FAM168A: variants seen among roughly 807,000 people sequenced by gnomAD.
The protein encoded by FAM168A is family with sequence similarity 168 member A.
FAM168A carries 3 observed loss-of-function variants against 28.5 expected under a neutral mutation model. The observed-to-expected ratio is 0.11, with a 90% CI of 0.05 to 0.27. The LOEUF (loss-of-function observed/expected upper bound fraction) is 0.27, where lower values mean the gene tolerates loss of function less well. Ranked by LOEUF, FAM168A falls within the 10% of genes least tolerant of loss-of-function variation. The pLI is 1.00. For missense variants in FAM168A, 222 were observed against 311.5 expected (o/e 0.71, Z 2.16); for synonymous variants, 122 against 124.2 (o/e 0.98, Z 0.12).
At chr11:73,521,572 T>G (rs1663725679) in intron 1 of FAM168A, among the ~76,000 whole-genome samples, 1 of 152,200 alleles carries the variant, frequency 6.6e-6, no homozygotes, top group East Asian at 1.9e-4. Context: ...TGCTCCTAAT[T>G]TCCTCTTTAG....
intron 1 of FAM168A, among the ~76,000 whole-genome samples, chr11:73,584,571 T>G (rs1238543738): frequency 6.6e-6 from 1 of 150,912 alleles, no homozygotes; most frequent in Admixed American, 6.6e-5. Context: ...CCTCCCGGGT[T>G]CACGCCATTC....
At chr11:73,433,281 T>C (rs1867029188) in intron 2 of FAM168A, among the ~76,000 whole-genome samples, 1 of 151,866 alleles carries the variant, frequency 6.6e-6, no homozygotes, top group African/African-American at 2.4e-5. Context: ...ATTCTGAATA[T>C]TAAACCATTA....
At chr11:73,444,816 T>A (rs1431764436) in intron 2 of FAM168A, among the ~76,000 whole-genome samples, 2 of 152,160 alleles carry the variant, frequency 1.3e-5, no homozygotes, top group Non-Finnish European at 1.5e-5. Context: ...TGAAAAACAA[T>A]GTATGTATGT....
At chr11:73,522,424 C>T (rs1943394048) in intron 1 of FAM168A, among the ~76,000 whole-genome samples, 6 of 152,062 alleles carry the variant, frequency 3.9e-5, no homozygotes, top group Admixed American at 3.9e-4. Context: ...GCAAGCACCA[C>T]CTCCCAGGTT....
At chr11:73,488,624 CCA>C (rs796259781) in intron 1 of FAM168A, among the ~76,000 whole-genome samples, 7 of 152,224 alleles carry the variant, frequency 4.6e-5, no homozygotes, top group African/African-American at 1.7e-4. Context: ...GCACCTGTAC[CCA>C]CAGACTCTTA....
At chr11:73,493,054 T>G (rs993657583) in intron 1 of FAM168A, among the ~76,000 whole-genome samples, 1 of 152,094 alleles carries the variant, frequency 6.6e-6, no homozygotes, top group Non-Finnish European at 1.5e-5. Flanking sequence ...ACTGAAAAAC[T>G]ACCTATTGGG....
chr11:73,513,205 ATTTT>A (rs1046600591), intron 1 of FAM168A, among the ~76,000 whole-genome samples: 1 of 109,376 alleles, frequency 9.1e-6, no homozygotes, highest in Non-Finnish European at 1.8e-5. Flanking sequence ...TTTTTTTTTA[ATTTT>A]TTTTTTTTTT....
chr11:73,548,939 T>C (rs546087057), intron 1 of FAM168A, among the ~76,000 whole-genome samples: 5 of 152,032 alleles, frequency 3.3e-5, no homozygotes, highest in South Asian at 2.1e-4. Context: ...CCTGGCTCCA[T>C]AGACATTTCT....
At chr11:73,515,399 C>T (rs148080831) in intron 1 of FAM168A, among the ~76,000 whole-genome samples, 1,618 of 151,740 alleles carry the variant, frequency 0.011, 33 homozygotes, top group African/African-American at 0.038. Flanking sequence ...ATCCAAGCTA[C>T]TCCGGAGGCT....
At chr11:73,463,583 C>A (rs965670243) in intron 2 of FAM168A, among the ~76,000 whole-genome samples, 14 of 152,044 alleles carry the variant, frequency 9.2e-5, no homozygotes, top group African/African-American at 2.9e-4. Context: ...GAATCATCAG[C>A]CTATAGACAG....
At chr11:73,416,222 C>A (rs1866692589) in intron 4 of FAM168A, among the ~76,000 whole-genome samples, 1 of 152,204 alleles carries the variant, frequency 6.6e-6, no homozygotes. Flanking sequence ...ATTTTAGAAT[C>A]AAATGGGATA....
intron 1 of FAM168A, among the ~76,000 whole-genome samples, chr11:73,469,753 T>C (rs1867787203): frequency 6.6e-6 from 1 of 152,184 alleles, no homozygotes; most frequent in African/African-American, 2.4e-5. Flanking sequence ...AAAGGAGTTA[T>C]ATATATATTT....
intron 4 of FAM168A, among the ~76,000 whole-genome samples, chr11:73,413,637 C>G (rs1386211393): frequency 6.6e-6 from 1 of 152,160 alleles, no homozygotes; most frequent in African/African-American, 2.4e-5. Context: ...GGACAACGTA[C>G]TATAGATCCC....
At position 73,562,363 on chromosome 11, in the gene FAM168A, T is replaced by C. The variant is rs1943969382; in HGVS notation, c.-19+35560A>G. Among the ~76,000 whole-genome samples the C allele has an allele frequency of 2.0e-5, 3 of 152,378 alleles. No homozygotes were observed. The South Asian group carries it at 6.2e-4, about 32-fold the overall frequency. On this transcript the variant is annotated intron_variant, in intron 1 of 7. Transcript: ENST00000356467. ...GATTATATAATATATGCAAATTATC[T>C]AGCAGGTCCTTATAAACAGTATCAT...
At chr11:73,529,268 T>A (rs1309348823) in intron 1 of FAM168A, among the ~76,000 whole-genome samples, 1 of 152,212 alleles carries the variant, frequency 6.6e-6, no homozygotes, top group African/African-American at 2.4e-5. Context: ...GTGTTGCCTG[T>A]TCAAATTTTA....
intron 2 of FAM168A, among the ~76,000 whole-genome samples, chr11:73,436,883 T>A (rs1867095895): frequency 6.6e-6 from 1 of 152,198 alleles, no homozygotes; most frequent in African/African-American, 2.4e-5. Flanking sequence ...GGAGAGTCAA[T>A]TTGGTCAAAG....
At chr11:73,489,047 A>C (rs1272083859) in intron 1 of FAM168A, among the ~76,000 whole-genome samples, 1 of 151,684 alleles carries the variant, frequency 6.6e-6, no homozygotes, top group Non-Finnish European at 1.5e-5. Flanking sequence ...TGCCCGTCTA[A>C]TTTTTGTATT....
At chr11:73,446,064 G>A (rs909641878) in intron 2 of FAM168A, among the ~76,000 whole-genome samples, 11 of 152,180 alleles carry the variant, frequency 7.2e-5, no homozygotes, top group African/African-American at 1.4e-4. Flanking sequence ...ACATTAAGGA[G>A]GTATCAGCAG....
chr11:73,420,538 A>G (rs1201054895), intron 3 of FAM168A, among the ~76,000 whole-genome samples: 1 of 152,220 alleles, frequency 6.6e-6, no homozygotes, highest in East Asian at 1.9e-4. Context: ...CTTAAAAGGC[A>G]CTGGGCACTG....
Sources: allele counts gnomAD v4.1 joint callset (sites outside exome capture counted in the v4.1 genomes callset), GRCh38; gene constraint gnomAD v4.1.1; transcripts MANE v1.5; gene names NCBI Gene and HGNC (gene_info 2026-07-23, HGNC 2026-07-21).